NOL4: variants seen among roughly 807,000 people sequenced by gnomAD.
NOL4 encodes the protein cancer/testis antigen 125.
In NOL4, 17 loss-of-function variants were observed where a neutral mutation model predicts 75.9. That is an observed-to-expected ratio of 0.22 (90% confidence interval 0.15 to 0.34). The LOEUF (loss-of-function observed/expected upper bound fraction) is 0.34. NOL4 is among the 10% of genes least tolerant of loss of function. The pLI, the probability that NOL4 is intolerant of heterozygous loss-of-function variation, is 1.00. For missense variants in NOL4, 614 were observed against 793.5 expected, an observed-to-expected ratio of 0.77 and a Z score of 2.72; for synonymous variants, 292 against 289.9, an observed-to-expected ratio of 1.01 and a Z score of -0.07.
At chr18:34,097,904 G>A (rs1033827754) in intron 4 of NOL4, among the ~76,000 whole-genome samples, 1 of 152,060 alleles carries the variant, frequency 6.6e-6, no homozygotes, top group Admixed American at 6.6e-5. Context: ...AAGTTTGTTC[G>A]AGTTTAAACC....
chr18:33,965,862 CTG>C (rs1234035631), intron 6 of NOL4, among the ~76,000 whole-genome samples: 2 of 152,050 alleles, frequency 1.3e-5, no homozygotes, highest in African/African-American at 4.8e-5. Flanking sequence ...CTAATACTCC[CTG>C]TCTCTTAAGA....
intron 9 of NOL4, among the ~76,000 whole-genome samples, chr18:33,900,569 A>C: frequency 6.6e-6 from 1 of 152,194 alleles, no homozygotes; most frequent in African/African-American, 2.4e-5. Context: ...GAGTTCAGCA[A>C]GTTCTAGCTA....
At chr18:34,180,817 G>A (rs1439943366) in intron 1 of NOL4, among the ~76,000 whole-genome samples, 2 of 151,030 alleles carry the variant, frequency 1.3e-5, no homozygotes, top group Non-Finnish European at 3.0e-5. Flanking sequence ...GACTAAGAAA[G>A]CAATCTATTT....
At chr18:34,012,029 A>G (rs2074401750) in intron 6 of NOL4, among the ~76,000 whole-genome samples, 1 of 151,980 alleles carries the variant, frequency 6.6e-6, no homozygotes, top group South Asian at 2.1e-4. Flanking sequence ...AAAATGTGAA[A>G]TGAACCAACA....
At chr18:34,016,159 T>C (rs975051403) in intron 6 of NOL4, among the ~76,000 whole-genome samples, 4 of 152,074 alleles carry the variant, frequency 2.6e-5, no homozygotes, top group Admixed American at 6.6e-5. Context: ...GTCCTGCAAA[T>C]ACAATGTCAA....
intron 1 of NOL4, among the ~76,000 whole-genome samples, chr18:34,179,777 C>T (rs981719313): frequency 7.9e-5 from 12 of 151,592 alleles, no homozygotes; most frequent in Admixed American, 7.9e-4. Context: ...AAGATACTCT[C>T]TGTGCACCAG....
intron 5 of NOL4, among the ~76,000 whole-genome samples, chr18:34,084,728 A>T (rs1287045714): frequency 6.6e-6 from 1 of 152,148 alleles, no homozygotes; most frequent in African/African-American, 2.4e-5. Flanking sequence ...AATACTTTCC[A>T]ACTGTTCTTT....
chr18:33,944,174 T>C (rs895547154), intron 8 of NOL4, among the ~76,000 whole-genome samples: 1 of 151,882 alleles, frequency 6.6e-6, no homozygotes, highest in Non-Finnish European at 1.5e-5. Flanking sequence ...CCTTAGGGTT[T>C]TCAAAGCCTC....
At chr18:33,871,307 C>T (rs2063689894) in intron 10 of NOL4, among the ~76,000 whole-genome samples, 1 of 151,944 alleles carries the variant, frequency 6.6e-6, no homozygotes, top group Non-Finnish European at 1.5e-5. Flanking sequence ...TAGGCAAATG[C>T]AAACAAGCTT....
chr18:34,075,917 C>G (rs1011947219), intron 5 of NOL4, among the ~76,000 whole-genome samples: 1 of 152,090 alleles, frequency 6.6e-6, no homozygotes, highest in African/African-American at 2.4e-5. Context: ...TTCCCAGTTA[C>G]TAATTGGTCA....
intron 2 of NOL4, among the ~76,000 whole-genome samples, chr18:34,107,516 T>G (rs1012550956): frequency 2.0e-5 from 3 of 152,030 alleles, no homozygotes; most frequent in Admixed American, 1.3e-4. Flanking sequence ...ACACCTGCCA[T>G]GGCATTCCAC....
intron 5 of NOL4, among the ~76,000 whole-genome samples, chr18:34,049,838 G>A (rs913111172): frequency 4.6e-5 from 7 of 152,070 alleles, no homozygotes; most frequent in Non-Finnish European, 1.0e-4. Context: ...TCACTCAGAG[G>A]TGTGAGAATC....
At chr18:33,946,267 T>C (rs906413067) in intron 8 of NOL4, among the ~76,000 whole-genome samples, 3 of 151,674 alleles carry the variant, frequency 2.0e-5, no homozygotes, top group Non-Finnish European at 3.0e-5. Context: ...TCCAGTACCA[T>C]CCTAATTTAA....
chr18:33,977,763 A>G (rs1434770884), intron 6 of NOL4, among the ~76,000 whole-genome samples: 1 of 152,214 alleles, frequency 6.6e-6, no homozygotes, highest in African/African-American at 2.4e-5. Flanking sequence ...TCATATATGT[A>G]TTGGTCAGTA....
chr18:34,201,508 G>C (rs2035741950), intron 1 of NOL4, among the ~76,000 whole-genome samples: 1 of 151,812 alleles, frequency 6.6e-6, no homozygotes, highest in African/African-American at 2.4e-5. Context: ...CACACTCACT[G>C]TAAGGATTAC....
intron 8 of NOL4, among the ~76,000 whole-genome samples, chr18:33,955,339 T>A (rs924672072): frequency 6.6e-6 from 1 of 152,036 alleles, no homozygotes; most frequent in Non-Finnish European, 1.5e-5. Flanking sequence ...CAAGGTCTGA[T>A]CCCTCTACTG....
intron 1 of NOL4, among the ~76,000 whole-genome samples, chr18:34,153,816 G>T (rs1341319959): frequency 6.6e-6 from 1 of 152,048 alleles, no homozygotes; most frequent in Non-Finnish European, 1.5e-5. Flanking sequence ...TCCACAGCCA[G>T]CATGGTAGCT....
chr18:34,035,513 G>A (rs1186672610), intron 5 of NOL4, among the ~76,000 whole-genome samples: 1 of 151,578 alleles, frequency 6.6e-6, no homozygotes, highest in African/African-American at 2.4e-5. Context: ...TTAAAAAGTA[G>A]AAAGATTTCA....
Position 34,092,612 on chromosome 18 carries a change from T to C in NOL4, c.772+853A>G, listed in dbSNP as rs534941881. ...CAAAGATTTTTTCAGTATCTATAAA[T>C]GTAAGTACAAAACTCTTCAATCAAA... On this transcript the variant is annotated intron_variant, in intron 5 of 10. Transcript: ENST00000261592. 3.2e-4 allele frequency among the ~76,000 whole-genome samples: 49 copies of C among 152,300 alleles called. No homozygotes were observed. In the East Asian group the frequency reaches 8.1e-3, roughly 25 times the overall value.
Sources: gnomAD v4.1 joint callset for allele counts (sites outside exome capture counted in the v4.1 genomes callset) on GRCh38, gnomAD v4.1.1 for gene constraint, MANE v1.5 for transcripts, NCBI Gene and HGNC (gene_info 2026-07-23, HGNC 2026-07-21) for gene names.